The following DSCAML1 variants were observed in gnomAD, a reference collection of about 807,000 sequenced individuals.
DSCAML1 encodes the protein DS cell adhesion molecule like 1.
In DSCAML1, 38 loss-of-function variants were observed where a neutral mutation model predicts 200.5. That is an observed-to-expected ratio of 0.19 (90% CI 0.15 to 0.25). DSCAML1 has a LOEUF of 0.25. Ranked by LOEUF, DSCAML1 falls within the 10% of genes least tolerant of loss-of-function variation. DSCAML1 has a pLI of 1.00. For synonymous variants in DSCAML1, 1,215 were observed against 1,165.0 expected (o/e 1.04, Z -0.87); for missense variants, 2,223 against 2,858.8 (o/e 0.78, Z 5.07).
At chr11:117,790,077 C>T (rs1016779231) in intron 1 of DSCAML1, among the ~76,000 whole-genome samples, 2 of 152,200 alleles carry the variant, frequency 1.3e-5, no homozygotes, top group Non-Finnish European at 2.9e-5. Flanking sequence ...CTCTCTCATA[C>T]CCCACGACTG....
intron 3 of DSCAML1, among the ~76,000 whole-genome samples, chr11:117,652,071 C>T (rs2052644474): frequency 6.6e-6 from 1 of 152,216 alleles, no homozygotes; most frequent in South Asian, 2.1e-4. Context: ...TCTTCCTTCT[C>T]AGGGTTCGGA....
intron 3 of DSCAML1, among the ~76,000 whole-genome samples, chr11:117,729,596 T>C (rs1038500027): frequency 6.6e-6 from 1 of 152,184 alleles, no homozygotes; most frequent in African/African-American, 2.4e-5. Flanking sequence ...AACTCAATTT[T>C]AAAATGAAAA....
At chr11:117,770,492 G>A (rs1424300168) in intron 3 of DSCAML1, among the ~76,000 whole-genome samples, 5 of 152,086 alleles carry the variant, frequency 3.3e-5, no homozygotes, top group Non-Finnish European at 2.9e-5. Flanking sequence ...TAATGCCACC[G>A]ATTTGCCACG....
At chr11:117,795,985 G>C (rs2055565903) in intron 1 of DSCAML1, among the ~76,000 whole-genome samples, 1 of 152,236 alleles carries the variant, frequency 6.6e-6, no homozygotes, top group Non-Finnish European at 1.5e-5. Flanking sequence ...GTTGGAGCGT[G>C]TGTGCTCCAC....
chr11:117,586,994 T>C (rs1384142294), intron 3 of DSCAML1, among the ~76,000 whole-genome samples: 1 of 152,156 alleles, frequency 6.6e-6, no homozygotes, highest in Non-Finnish European at 1.5e-5. Context: ...TCCCATCTGA[T>C]CCTGTCCTCA....
intron 3 of DSCAML1, among the ~76,000 whole-genome samples, chr11:117,547,186 G>A (rs570810383): frequency 3.3e-5 from 5 of 152,250 alleles, no homozygotes; most frequent in Admixed American, 2.0e-4. Context: ...GAGCCCAGCC[G>A]GGGGCGACAG....
chr11:117,542,929 G>T (rs188182446), intron 3 of DSCAML1, among the ~76,000 whole-genome samples: 1 of 152,342 alleles, frequency 6.6e-6, no homozygotes, highest in Non-Finnish European at 1.5e-5. Flanking sequence ...TGTGCTGCAT[G>T]CTGGGGGTGC....
Position 117,627,214 on chromosome 11 carries a change from C to A in DSCAML1, c.512-94692G>T, listed in dbSNP as rs532030517. Among the ~76,000 whole-genome samples the A allele has an allele frequency of 5.9e-5, 9 of 152,276 alleles. No homozygotes were observed. In the East Asian group the frequency reaches 1.5e-3, roughly 26 times the overall value. Reference sequence around the variant, plus strand: ...TATCCCGTTGTCCTGCCCATCAGAACGGAGATGGCGGGAGTTTTCCCTTCC... The same window carrying A: ...TATCCCGTTGTCCTGCCCATCAGAAAGGAGATGGCGGGAGTTTTCCCTTCC... On this transcript the variant is annotated intron_variant, in intron 3 of 32. Coordinates refer to ENST00000651296, the MANE Select transcript of DSCAML1 (RefSeq NM_020693.4).
At chr11:117,446,206 A>G (rs970421539) in intron 20 of DSCAML1, among the ~76,000 whole-genome samples, 64 of 152,182 alleles carry the variant, frequency 4.2e-4, no homozygotes, top group African/African-American at 1.5e-3. Flanking sequence ...TCTACTAAAA[A>G]ATACAAAATT....
At chr11:117,739,664 C>T (rs1197489575) in intron 3 of DSCAML1, among the ~76,000 whole-genome samples, 1 of 152,132 alleles carries the variant, frequency 6.6e-6, no homozygotes, top group African/African-American at 2.4e-5. Flanking sequence ...TCAGGGTGTG[C>T]ACTGTACGAC....
chr11:117,470,000 G>A lies in DSCAML1; in HGVS notation c.2954-20C>T. On this transcript the variant is annotated intron_variant, in intron 15 of 32. Coordinates refer to ENST00000651296, the MANE Select transcript of DSCAML1 (RefSeq NM_020693.4). The surrounding 1 kb of genome is among the most constrained non-coding windows in gnomAD (Gnocchi z 4.1). ...CGGGAGCTGAGCAGGGTAGCGGGGAGGAGAAACATTACAAGTCAAGACTTG... is the reference window on the plus strand; with the variant it reads ...CGGGAGCTGAGCAGGGTAGCGGGGAAGAGAAACATTACAAGTCAAGACTTG... 2 of 1,577,444 alleles carry A rather than the reference G, an allele frequency of 1.3e-6. No homozygotes were observed. The highest frequency in any genetic ancestry group is 1.7e-6 in the Non-Finnish European group (2 of 1,157,536).
intron 26 of DSCAML1, among the ~76,000 whole-genome samples, chr11:117,436,546 GCACGTGTGTA>G (rs1224986556): frequency 1.3e-5 from 2 of 148,948 alleles, no homozygotes; most frequent in African/African-American, 4.9e-5. Context: ...GTGTATGTGT[GCACGTGTGTA>G]TGTATCCCCA....
At chr11:117,792,642 C>G (rs1033034966) in intron 1 of DSCAML1, among the ~76,000 whole-genome samples, 2 of 152,124 alleles carry the variant, frequency 1.3e-5, no homozygotes, top group Non-Finnish European at 2.9e-5. Flanking sequence ...ACTTCACACC[C>G]CCATGCCATC....
chr11:117,722,306 TAAA>T (rs34365570), intron 3 of DSCAML1, among the ~76,000 whole-genome samples: 19 of 114,210 alleles, frequency 1.7e-4, no homozygotes, highest in Admixed American at 1.8e-4. Context: ...ATGGGGGAGC[TAAA>T]AAAAAAAAAA....
At chr11:117,788,241 T>C (rs1363730058) in intron 1 of DSCAML1, among the ~76,000 whole-genome samples, 20 of 152,222 alleles carry the variant, frequency 1.3e-4, no homozygotes, top group Admixed American at 1.3e-3. Context: ...CTGGCACACC[T>C]GCTCCACCAC....
chr11:117,494,959 C>A (rs961949726), intron 11 of DSCAML1, among the ~76,000 whole-genome samples: 9 of 152,174 alleles, frequency 5.9e-5, no homozygotes, highest in Non-Finnish European at 1.0e-4. Flanking sequence ...TGTCAGACTC[C>A]CAGCCTCCCA....
chr11:117,767,427 A>G (rs1031533205), intron 3 of DSCAML1, among the ~76,000 whole-genome samples: 22 of 152,206 alleles, frequency 1.4e-4, no homozygotes, highest in Admixed American at 1.4e-3. Flanking sequence ...TCTTGCCACT[A>G]TGAGTATCAT....
intron 16 of DSCAML1, among the ~76,000 whole-genome samples, chr11:117,466,254 G>A (rs1412724221): frequency 6.6e-6 from 1 of 152,242 alleles, no homozygotes; most frequent in Non-Finnish European, 1.5e-5. Context: ...CAATGGGATA[G>A]TATGCAGCCA....
chr11:117,466,368 G>A (rs1157905345), intron 16 of DSCAML1, among the ~76,000 whole-genome samples: 2 of 152,228 alleles, frequency 1.3e-5, no homozygotes, highest in Non-Finnish European at 2.9e-5. Flanking sequence ...CTATTTGTCC[G>A]ATTCCACTTA....
Sources: allele counts gnomAD v4.1 joint callset (sites outside exome capture counted in the v4.1 genomes callset), GRCh38; gene constraint gnomAD v4.1.1; non-coding constraint Gnocchi (gnomAD v3.1); transcripts MANE v1.5; gene names NCBI Gene and HGNC (gene_info 2026-07-23, HGNC 2026-07-21).